NF1: variants seen among roughly 807,000 people sequenced by gnomAD.
The protein encoded by NF1 is neurofibromin 1.
In NF1, 122 loss-of-function variants were observed where a neutral mutation model predicts 325.7. The ratio of observed to expected loss-of-function variants is 0.37; its 90% CI spans 0.32 to 0.44. The LOEUF (loss-of-function observed/expected upper bound fraction) is 0.44, where lower values mean the gene tolerates loss of function less well. Among genes scored for constraint, NF1 ranks in the 20% least tolerant of loss-of-function variants. The pLI, the probability that NF1 is intolerant of heterozygous loss-of-function variation, is 1.00. For missense variants in NF1, 2,140 were observed against 3,415.4 expected (o/e 0.63, Z 9.31); for synonymous variants, 1,091 against 1,186.0 (o/e 0.92, Z 1.65).
intron 1 of NF1, among the ~76,000 whole-genome samples, chr17:31,106,257 T>TA (rs1158862100): frequency 1.3e-5 from 2 of 152,216 alleles, no homozygotes; most frequent in East Asian, 3.8e-4. Context: ...GCATGATACT[T>TA]ACCCTTCTCA....
chr17:31,284,685 A>G (rs901912415), intron 36 of NF1, among the ~76,000 whole-genome samples: 1 of 152,056 alleles, frequency 6.6e-6, no homozygotes, highest in African/African-American at 2.4e-5. Context: ...CGGCATCCCA[A>G]AGTGCTAGGA....
intron 40 of NF1, among the ~76,000 whole-genome samples, chr17:31,335,296 A>ATATATATATATATATATATGTAGG (rs1440930498): frequency 6.0e-5 from 3 of 50,084 alleles, no homozygotes; most frequent in Admixed American, 2.5e-4. Flanking sequence ...ATATATATAT[A>ATATATATATATATATATATGTAGG]ATTATGCCTT....
intron 36 of NF1, among the ~76,000 whole-genome samples, chr17:31,290,282 T>C (rs2068320094): frequency 6.6e-6 from 1 of 152,224 alleles, no homozygotes; most frequent in African/African-American, 2.4e-5. Context: ...ATTCTTCTGC[T>C]GGTTTTATGA....
At chr17:31,214,944 A>G (rs2066794854) in intron 13 of NF1, among the ~76,000 whole-genome samples, 1 of 152,142 alleles carries the variant, frequency 6.6e-6, no homozygotes, top group African/African-American at 2.4e-5. Flanking sequence ...CAGTGTCTAC[A>G]TCTATACTGT....
At chr17:31,137,455 T>C (rs1915859794) in intron 1 of NF1, 1 of 152,222 alleles carries the variant, frequency 6.6e-6, no homozygotes, top group African/African-American at 2.4e-5. Flanking sequence ...GCTATTGTTA[T>C]TTCTTTCCAT....
intron 51 of NF1, among the ~76,000 whole-genome samples, chr17:31,353,135 C>G (rs939478061): frequency 8.5e-5 from 13 of 152,218 alleles, no homozygotes; most frequent in Admixed American, 2.0e-4. Flanking sequence ...TCTTGAACTC[C>G]TGACCTCAGG....
chr17:31,173,439 A>G (rs2065965795), intron 5 of NF1, among the ~76,000 whole-genome samples: 1 of 152,012 alleles, frequency 6.6e-6, no homozygotes. Flanking sequence ...AAATAAAAAT[A>G]CAAAAAATTA....
chr17:31,229,598 A>G, intron 21 of NF1, 133 bp downstream of exon 21: 1 of 1,144,316 alleles, frequency 8.7e-7, no homozygotes, highest in Non-Finnish European at 1.3e-6. Context: ...CAGAAAGAAG[A>G]GTCATCTCAA....
At chr17:31,145,085 C>G (rs1047947091) in intron 1 of NF1, among the ~76,000 whole-genome samples, 1 of 152,190 alleles carries the variant, frequency 6.6e-6, no homozygotes, top group African/African-American at 2.4e-5. Context: ...ACCACATTGG[C>G]CCTCTTGCTA....
intron 40 of NF1, among the ~76,000 whole-genome samples, chr17:31,335,853 A>ATTTTTTT (rs71360768): frequency 8.9e-6 from 1 of 112,800 alleles, no homozygotes; most frequent in East Asian, 2.6e-4. Flanking sequence ...TAATTTTTGT[A>ATTTTTTT]TTTTTTTTTT....
rs1555612830 is a variant in NF1, at chr17:31,219,046, A to G, written c.1569A>G (p.Ala523=). 1 of 1,613,944 alleles carries G rather than the reference A, an allele frequency of 6.2e-7. No homozygotes were observed. Among genetic ancestry groups the G allele is most frequent in the Non-Finnish European group, 8.5e-7 (1 of 1,179,940 alleles). ...GGCCCGAAACCCAAGGCAGTACAGCAGAATTAATTACAGGGCTCGTCCAAC... is the reference window on the plus strand; with the variant it reads ...GGCCCGAAACCCAAGGCAGTACAGCGGAATTAATTACAGGGCTCGTCCAAC... ...KQGPETQGST[A]ELITGLVQLV... Residue 523 remains alanine (A), a synonymous_variant, in exon 14 of 58, where the codon GCA becomes GCG. Coordinates refer to ENST00000358273, the MANE Select transcript of NF1 (RefSeq NM_001042492.3).
intron 8 of NF1, among the ~76,000 whole-genome samples, chr17:31,191,335 C>T (rs563188474): frequency 6.6e-6 from 1 of 152,126 alleles, no homozygotes; most frequent in African/African-American, 2.4e-5. Flanking sequence ...GATGTATACT[C>T]GAGTATACAT....
At chr17:31,185,113 G>A (rs2066215599) in intron 8 of NF1, among the ~76,000 whole-genome samples, 1 of 152,140 alleles carries the variant, frequency 6.6e-6, no homozygotes, top group African/African-American at 2.4e-5. Context: ...ACCCTGCGCT[G>A]CCTGAGGCAA....
intron 11 of NF1, among the ~76,000 whole-genome samples, chr17:31,203,881 ACATACT>A (rs1484498642): frequency 6.6e-6 from 1 of 152,102 alleles, no homozygotes; most frequent in Non-Finnish European, 1.5e-5. Flanking sequence ...CTTTTGTGAA[ACATACT>A]CATACTCAGT....
intron 49 of NF1, 65 bp from the exon 50 acceptor site, chr17:31,350,118 C>G: frequency 6.4e-7 from 1 of 1,570,608 alleles, no homozygotes; most frequent in Non-Finnish European, 8.8e-7. Context: ...GTAAGAAGTT[C>G]ATCCTGTTTT....
intron 5 of NF1, among the ~76,000 whole-genome samples, chr17:31,174,981 C>T (rs2953006): frequency 3.7e-4 from 56 of 151,722 alleles, no homozygotes; most frequent in Admixed American, 2.8e-3. Flanking sequence ...TAGTGGCGCA[C>T]GCCTGTAATC....
intron 1 of NF1, among the ~76,000 whole-genome samples, chr17:31,130,389 G>A (rs569785837): frequency 6.6e-6 from 1 of 152,338 alleles, no homozygotes; most frequent in Non-Finnish European, 1.5e-5. Flanking sequence ...TGTGCCAGTA[G>A]CAGTGGCAGC....
intron 8 of NF1, among the ~76,000 whole-genome samples, chr17:31,198,629 G>C (rs572493844): frequency 6.8e-6 from 1 of 146,676 alleles, no homozygotes; most frequent in East Asian, 1.9e-4. Flanking sequence ...TTGAGGGGGT[G>C]GGGGGGATAG....
At chr17:31,150,722 G>C (rs1025316487) in intron 1 of NF1, among the ~76,000 whole-genome samples, 3 of 152,196 alleles carry the variant, frequency 2.0e-5, no homozygotes, top group African/African-American at 7.2e-5. Flanking sequence ...ACCATTCTCA[G>C]TTCTTTTAGA....
Sources: allele counts gnomAD v4.1 joint callset (sites outside exome capture counted in the v4.1 genomes callset), GRCh38; gene constraint gnomAD v4.1.1; transcripts MANE v1.5; gene names NCBI Gene and HGNC (gene_info 2026-07-23, HGNC 2026-07-21).